Variants in ATP8A2 observed in about 807,000 individuals in gnomAD.
ATP8A2 encodes the protein ATPase phospholipid transporting 8A2.
Under a neutral mutation model 165.6 loss-of-function variants are expected in ATP8A2, and 100 were observed. The observed-to-expected ratio is 0.60, with a 90% CI of 0.51 to 0.71. ATP8A2 has a LOEUF of 0.71. Ranked by LOEUF, ATP8A2 falls within the 30% of genes least tolerant of loss-of-function variation. The pLI, the probability that ATP8A2 is intolerant of heterozygous loss-of-function variation, is 0.00. For synonymous variants in ATP8A2, 543 were observed against 548.8 expected, an observed-to-expected ratio of 0.99 and a Z score of 0.15; for missense variants, 1,227 against 1,479.5, an observed-to-expected ratio of 0.83 and a Z score of 2.80.
chr13:25,619,680 T>G (rs1042211135), intron 24 of ATP8A2, among the ~76,000 whole-genome samples: 1 of 152,188 alleles, frequency 6.6e-6, no homozygotes, highest in African/African-American at 2.4e-5. Context: ...TTGAATAGTA[T>G]ATTAGTTAAT....
chr13:25,882,885 CT>C (rs772626588), intron 33 of ATP8A2, among the ~76,000 whole-genome samples: 9 of 150,202 alleles, frequency 6.0e-5, no homozygotes, highest in Non-Finnish European at 1.0e-4. Context: ...CTTAAAGCCC[CT>C]GTGCCTGAGA....
intron 2 of ATP8A2, among the ~76,000 whole-genome samples, chr13:25,488,811 G>A (rs562092163): frequency 1.3e-5 from 2 of 152,118 alleles, no homozygotes; most frequent in African/African-American, 4.8e-5. Flanking sequence ...GTGTACCACA[G>A]TAAGCACCAC....
chr13:25,904,222 G>C (rs984210621), intron 33 of ATP8A2, among the ~76,000 whole-genome samples: 2 of 152,154 alleles, frequency 1.3e-5, no homozygotes, highest in Non-Finnish European at 2.9e-5. Flanking sequence ...GATTCGTGAT[G>C]CTCAACCTAT....
At chr13:25,576,611 G>T (rs533891420) in intron 19 of ATP8A2, among the ~76,000 whole-genome samples, 59 of 152,240 alleles carry the variant, frequency 3.9e-4, no homozygotes, top group Non-Finnish European at 5.3e-4. Flanking sequence ...GTGTTCTGCG[G>T]GTTTGTGATT....
intron 27 of ATP8A2, among the ~76,000 whole-genome samples, chr13:25,811,736 C>T (rs1027120560): frequency 4.6e-5 from 7 of 152,108 alleles, no homozygotes; most frequent in Non-Finnish European, 8.8e-5. Flanking sequence ...TGGCATGTTC[C>T]TATAGTCTCA....
intron 2 of ATP8A2, among the ~76,000 whole-genome samples, chr13:25,490,685 T>G (rs75273386): frequency 0.014 from 2,123 of 152,260 alleles, 38 homozygotes; most frequent in African/African-American, 0.042. Flanking sequence ...TCTTTTGGAC[T>G]AAATTCTAAA....
At chr13:25,794,181 A>G (rs1405849930) in intron 27 of ATP8A2, among the ~76,000 whole-genome samples, 2 of 151,544 alleles carry the variant, frequency 1.3e-5, no homozygotes, top group Non-Finnish European at 2.9e-5. Flanking sequence ...ATCTTGAAGA[A>G]AGAAGAGGTG....
chr13:25,881,013 G>A, intron 33 of ATP8A2: 1 of 441,296 alleles, frequency 2.3e-6, no homozygotes, highest in Non-Finnish European at 4.5e-6. Flanking sequence ...AACAGTTTCA[G>A]GTCCAAGGTT....
intron 24 of ATP8A2, among the ~76,000 whole-genome samples, chr13:25,613,437 G>T (rs2040741254): frequency 6.6e-6 from 1 of 152,120 alleles, no homozygotes; most frequent in Non-Finnish European, 1.5e-5. Flanking sequence ...AGCTTGGTGT[G>T]GTGGTGTGCA....
intron 35 of ATP8A2, among the ~76,000 whole-genome samples, chr13:25,970,988 G>A (rs1418773933): frequency 6.6e-6 from 1 of 152,078 alleles, no homozygotes; most frequent in East Asian, 1.9e-4. Flanking sequence ...TCACTTTGTA[G>A]TTCATATGAT....
chr13:25,598,012 A>G (rs762713839), intron 24 of ATP8A2, among the ~76,000 whole-genome samples: 5 of 152,010 alleles, frequency 3.3e-5, no homozygotes, highest in Non-Finnish European at 7.4e-5. Flanking sequence ...TTGTAGTTTT[A>G]GCTTGTAAGT....
chr13:25,672,083 G>T (rs894898338), intron 24 of ATP8A2, among the ~76,000 whole-genome samples: 1 of 152,180 alleles, frequency 6.6e-6, no homozygotes, highest in East Asian at 1.9e-4. Context: ...ATAGAGCAGC[G>T]TACTATTTTG....
At chr13:25,500,589 T>C (rs1024916449) in intron 2 of ATP8A2, among the ~76,000 whole-genome samples, 2 of 150,344 alleles carry the variant, frequency 1.3e-5, no homozygotes, top group Non-Finnish European at 2.9e-5. Context: ...AGGCCCAATA[T>C]ATAATTTTTT....
At chr13:25,883,125 C>T (rs1430454134) in intron 33 of ATP8A2, among the ~76,000 whole-genome samples, 1 of 152,144 alleles carries the variant, frequency 6.6e-6, no homozygotes, top group Non-Finnish European at 1.5e-5. Context: ...TGGGCTCTGA[C>T]CTCAGGCTGT....
At chr13:25,890,458 A>G (rs749398358) in intron 33 of ATP8A2, among the ~76,000 whole-genome samples, 2 of 152,232 alleles carry the variant, frequency 1.3e-5, no homozygotes, top group Non-Finnish European at 2.9e-5. Context: ...AATGAAATAT[A>G]TTGTACTAGA....
intron 33 of ATP8A2, among the ~76,000 whole-genome samples, chr13:25,873,587 C>T (rs780545571): frequency 6.6e-6 from 1 of 151,970 alleles, no homozygotes; most frequent in African/African-American, 2.4e-5. Flanking sequence ...TCAGTCCTCT[C>T]CCCTCTTATT....
At position 25,699,188 on chromosome 13, in the gene ATP8A2, A is replaced by G. The variant is rs758350023; in HGVS notation, c.2227A>G (p.Ile743Val). ...EDSLDATRAA[I>V]TQHCTDLGNL... Reference sequence around the variant, plus strand: ...CTTGTTTCAGGCCACAAGGGCAGCCATTACTCAGCACTGCACTGACCTTGG... The same window carrying G: ...CTTGTTTCAGGCCACAAGGGCAGCCGTTACTCAGCACTGCACTGACCTTGG... Residue 743 changes from isoleucine (I) to valine (V), a missense_variant, in exon 25 of 37, where the codon ATT becomes GTT. Around this residue, in one of 5 missense-constraint regions of ATP8A2, gnomAD observed 592 missense variants for 785.6 expected, o/e 0.75. Transcript: ENST00000381655. The G allele has an allele frequency of 4.5e-6, 7 of 1,573,024 alleles. No homozygotes were observed. The South Asian group carries it at 4.8e-5, about 11-fold the overall frequency.
intron 1 of ATP8A2, among the ~76,000 whole-genome samples, chr13:25,429,197 G>A (rs193000866): frequency 7.2e-4 from 109 of 151,848 alleles, no homozygotes; most frequent in Non-Finnish European, 6.5e-4. Context: ...GTGAAAACTC[G>A]TCTCTACTAA....
At chr13:25,466,739 A>T (rs2035679051) in intron 1 of ATP8A2, among the ~76,000 whole-genome samples, 1 of 152,212 alleles carries the variant, frequency 6.6e-6, no homozygotes, top group South Asian at 2.1e-4. Flanking sequence ...ACTAATGCAC[A>T]GGGGAACTGA....
Sources: gnomAD v4.1 joint callset for allele counts (sites outside exome capture counted in the v4.1 genomes callset) on GRCh38, gnomAD v4.1.1 for gene constraint, gnomAD v4.1.1 regional missense constraint, MANE v1.5 for transcripts, NCBI Gene and HGNC (gene_info 2026-07-23, HGNC 2026-07-21) for gene names.